ZNF385D: variants seen among roughly 807,000 people sequenced by gnomAD.
ZNF385D encodes zinc finger protein 385D, also known as zinc finger protein 659.
In ZNF385D, 15 loss-of-function variants were observed where a neutral mutation model predicts 35.8. The ratio of observed to expected loss-of-function variants is 0.42; its 90% confidence interval spans 0.28 to 0.64. The LOEUF is 0.64. ZNF385D is among the 30% of genes least tolerant of loss of function. The pLI, the probability that ZNF385D is intolerant of heterozygous loss-of-function variation, is 0.23. For missense variants in ZNF385D, 474 were observed against 494.6 expected, an observed-to-expected ratio of 0.96 and a Z score of 0.39; for synonymous variants, 212 against 186.8, an observed-to-expected ratio of 1.13 and a Z score of -1.10.
intron 3 of ZNF385D, among the ~76,000 whole-genome samples, chr3:21,975,153 G>T (rs919856389): frequency 6.6e-6 from 1 of 152,072 alleles, no homozygotes; most frequent in African/African-American, 2.4e-5. Flanking sequence ...GCCAAGATTT[G>T]GAAGCAACCT....
chr3:21,551,319 C>A (rs979888836), intron 3 of ZNF385D, among the ~76,000 whole-genome samples: 4 of 152,194 alleles, frequency 2.6e-5, no homozygotes, highest in Non-Finnish European at 1.5e-5. Context: ...TGAACATTGT[C>A]CTTAGCCAGC....
At chr3:22,229,920 C>T (rs569171468) in intron 2 of ZNF385D, among the ~76,000 whole-genome samples, 5 of 152,190 alleles carry the variant, frequency 3.3e-5, no homozygotes, top group African/African-American at 4.8e-5. Context: ...CAACATTGTA[C>T]TGCCCATTTG....
At chr3:21,963,430 C>T (rs753086600) in intron 3 of ZNF385D, among the ~76,000 whole-genome samples, 14 of 152,012 alleles carry the variant, frequency 9.2e-5, no homozygotes, top group Admixed American at 2.6e-4. Flanking sequence ...GGAAAGAGTT[C>T]GCATCTTACT....
intron 4 of ZNF385D, among the ~76,000 whole-genome samples, chr3:21,450,947 T>C (rs973162575): frequency 6.6e-6 from 1 of 152,210 alleles, no homozygotes; most frequent in Non-Finnish European, 1.5e-5. Flanking sequence ...GGAAGTTTAA[T>C]TAACTTAAGT....
At chr3:21,609,017 G>A (rs2064585327) in intron 2 of ZNF385D, among the ~76,000 whole-genome samples, 1 of 152,194 alleles carries the variant, frequency 6.6e-6, no homozygotes, top group African/African-American at 2.4e-5. Flanking sequence ...TAATTGTGCT[G>A]TCCTTCATAA....
At chr3:21,750,836 G>C (rs2070038997) in intron 1 of ZNF385D, 59 bp downstream of exon 1, 13 of 1,607,402 alleles carry the variant, frequency 8.1e-6, no homozygotes, top group South Asian at 1.1e-5. Flanking sequence ...TTAAGGGCTT[G>C]TCTGCACGGA....
chr3:21,597,628 A>G (rs1157028398), intron 2 of ZNF385D, among the ~76,000 whole-genome samples: 1 of 149,860 alleles, frequency 6.7e-6, no homozygotes, highest in African/African-American at 2.5e-5. Context: ...AGGCACATAC[A>G]ACAGGGCAAT....
intron 1 of ZNF385D, among the ~76,000 whole-genome samples, chr3:21,720,380 C>G (rs184741396): frequency 6.6e-6 from 1 of 152,092 alleles, no homozygotes; most frequent in Non-Finnish European, 1.5e-5. Flanking sequence ...ATCGTGAGAC[C>G]CTAGTCTCTA....
intron 3 of ZNF385D, among the ~76,000 whole-genome samples, chr3:22,085,619 G>A (rs529202944): frequency 5.9e-5 from 9 of 152,238 alleles, no homozygotes; most frequent in African/African-American, 7.2e-5. Context: ...AGGACCAGAC[G>A]GATTCACAGC....
At chr3:22,085,177 C>T (rs919675909) in intron 3 of ZNF385D, among the ~76,000 whole-genome samples, 1 of 151,968 alleles carries the variant, frequency 6.6e-6, no homozygotes, top group Non-Finnish European at 1.5e-5. Context: ...ACTAGAGAAG[C>T]AAGAGCGAAC....
chr3:22,361,615 T>C (rs1051381014), intron 2 of ZNF385D, among the ~76,000 whole-genome samples: 2 of 152,076 alleles, frequency 1.3e-5, no homozygotes, highest in Admixed American at 1.3e-4. Context: ...ATTCCATTCA[T>C]GTACTATCAT....
At chr3:22,318,160 A>C (rs973888525) in intron 2 of ZNF385D, among the ~76,000 whole-genome samples, 1 of 152,184 alleles carries the variant, frequency 6.6e-6, no homozygotes, top group Non-Finnish European at 1.5e-5. Flanking sequence ...GATTCTGAGG[A>C]AATTACAATA....
At chr3:21,841,977 T>A (rs551887652) in intron 3 of ZNF385D, among the ~76,000 whole-genome samples, 1 of 151,640 alleles carries the variant, frequency 6.6e-6, no homozygotes, top group African/African-American at 2.4e-5. Context: ...TATAATTGAA[T>A]CTATATAATT....
At chr3:21,990,592 G>A (rs541077036) in intron 3 of ZNF385D, among the ~76,000 whole-genome samples, 2 of 152,250 alleles carry the variant, frequency 1.3e-5, no homozygotes, top group Middle Eastern at 3.4e-3. Flanking sequence ...TATGATGTAT[G>A]TGCTATAAAT....
chr3:21,932,764 A>G (rs1408081805), intron 3 of ZNF385D, among the ~76,000 whole-genome samples: 2 of 152,128 alleles, frequency 1.3e-5, no homozygotes. Context: ...ACTTCTGATC[A>G]TATTTGTCCC....
At chr3:22,061,617 T>C (rs1447670574) in intron 3 of ZNF385D, among the ~76,000 whole-genome samples, 1 of 152,198 alleles carries the variant, frequency 6.6e-6, no homozygotes, top group Non-Finnish European at 1.5e-5. Flanking sequence ...GCCCCATTTC[T>C]TGTCACTCTC....
At chr3:22,332,010 T>G (rs1323184716) in intron 2 of ZNF385D, among the ~76,000 whole-genome samples, 1 of 152,166 alleles carries the variant, frequency 6.6e-6, no homozygotes, top group Non-Finnish European at 1.5e-5. Context: ...TATAGAAGAA[T>G]AGTATAGAAA....
chr3:21,952,680 C>T (rs1483425754), intron 3 of ZNF385D, among the ~76,000 whole-genome samples: 1 of 151,816 alleles, frequency 6.6e-6, no homozygotes, highest in Admixed American at 6.6e-5. Flanking sequence ...CTAAAACAGT[C>T]ACTTAAATAT....
chr3:21,537,698 G>A (rs1288710718), intron 3 of ZNF385D, among the ~76,000 whole-genome samples: 2 of 152,080 alleles, frequency 1.3e-5, no homozygotes, highest in Admixed American at 6.5e-5. Flanking sequence ...CAGTGAGGCC[G>A]AAAAGGAGTG....
Sources: allele counts gnomAD v4.1 joint callset (sites outside exome capture counted in the v4.1 genomes callset), GRCh38; gene constraint gnomAD v4.1.1; transcripts MANE v1.5; gene names NCBI Gene and HGNC (gene_info 2026-07-23, HGNC 2026-07-21).